The following BCAR3 variants were observed in gnomAD, a reference collection of about 807,000 sequenced individuals.
The protein encoded by BCAR3 is breast cancer anti-estrogen resistance protein 3.
A neutral mutation model predicts 80.1 loss-of-function variants in BCAR3; 37 were observed. The ratio of observed to expected loss-of-function variants is 0.46; its 90% CI spans 0.36 to 0.61. The LOEUF (loss-of-function observed/expected upper bound fraction) is 0.61. Among genes scored for constraint, BCAR3 ranks in the 20% least tolerant of loss-of-function variants. The probability of loss-of-function intolerance (pLI) is 0.00; values close to 1 mark genes in which losing one functional copy is unlikely to be tolerated. For synonymous variants in BCAR3, 389 were observed against 418.9 expected, an observed-to-expected ratio of 0.93 and a Z score of 0.87; for missense variants, 978 against 1,068.2, an observed-to-expected ratio of 0.92 and a Z score of 1.18.
chr1:93,638,142 G>C (rs966970272), intron 3 of BCAR3, among the ~76,000 whole-genome samples: 1 of 152,150 alleles, frequency 6.6e-6, no homozygotes, highest in African/African-American at 2.4e-5. Context: ...CCAGCTACTC[G>C]GGAGGCTGAG....
chr1:93,746,421 C>T (rs1483236752), intron 2 of BCAR3, among the ~76,000 whole-genome samples: 3 of 152,176 alleles, frequency 2.0e-5, no homozygotes, highest in African/African-American at 7.2e-5. Flanking sequence ...TTGAGACCTT[C>T]TATGTTCTTA....
chr1:93,733,130 C>CT (rs1350783257), intron 2 of BCAR3, among the ~76,000 whole-genome samples: 8 of 152,030 alleles, frequency 5.3e-5, no homozygotes, highest in Admixed American at 3.9e-4. Context: ...CGGCTGCTTT[C>CT]TTTTTTTAAA....
intron 3 of BCAR3, among the ~76,000 whole-genome samples, chr1:93,702,946 A>T (rs554183201): frequency 6.6e-6 from 1 of 152,334 alleles, no homozygotes; most frequent in South Asian, 2.1e-4. Flanking sequence ...TGGAACAGTG[A>T]TCTCTGGGCA....
At chr1:93,712,716 T>C in intron 2 of BCAR3, among the ~76,000 whole-genome samples, 1 of 152,240 alleles carries the variant, frequency 6.6e-6, no homozygotes, top group East Asian at 1.9e-4. Flanking sequence ...ATCAGCTCTA[T>C]GGCATAGGAA....
chr1:93,839,183 C>T (rs551358881), intron 2 of BCAR3, among the ~76,000 whole-genome samples: 22 of 152,138 alleles, frequency 1.4e-4, no homozygotes, highest in Non-Finnish European at 2.5e-4. Context: ...ATCCCAGCTG[C>T]TCAGGAGGCT....
chr1:93,605,452 G>A (rs759929496), intron 3 of BCAR3: 35 of 152,310 alleles, frequency 2.3e-4, no homozygotes, highest in Non-Finnish European at 1.0e-4. Context: ...AATATTAATC[G>A]CTGAGTTCAG....
In BCAR3 at chr1:93,747,828, T is replaced by A. The variant is rs184640442; in HGVS notation, c.-62-41686A>T. Among the ~76,000 whole-genome samples, 178 of 151,824 alleles carry A rather than the reference T, an allele frequency of 1.2e-3. 4 individuals are homozygous for A. Among genetic ancestry groups the A allele is most frequent in the Non-Finnish European group, 2.1e-3 (142 of 68,024 alleles). ...CCCCCAGTGTGCTATGCTCCAGCCA[T>A]ACCCAACTGCTTGTGTTTCCTGTAC... is the stretch of plus-strand genomic sequence containing the variant. On this transcript the variant is annotated intron_variant, in intron 2 of 13. Transcript: ENST00000370244.
At chr1:93,736,918 C>T (rs553150998) in intron 2 of BCAR3, among the ~76,000 whole-genome samples, 21 of 152,196 alleles carry the variant, frequency 1.4e-4, no homozygotes, top group Non-Finnish European at 2.4e-4. Context: ...GGTCTACGGT[C>T]CATCTGCATC....
intron 3 of BCAR3, among the ~76,000 whole-genome samples, chr1:93,625,935 G>A (rs928196691): frequency 2.6e-5 from 4 of 151,550 alleles, no homozygotes; most frequent in African/African-American, 4.9e-5. Context: ...TTTCTCCCTC[G>A]ACTACACTTG....
chr1:93,799,514 G>A (rs911277341), intron 2 of BCAR3, among the ~76,000 whole-genome samples: 1 of 152,100 alleles, frequency 6.6e-6, no homozygotes, highest in African/African-American at 2.4e-5. Context: ...AAAAATTCCA[G>A]TTACTTTATC....
chr1:93,835,466 C>T (rs1049910712), intron 2 of BCAR3, among the ~76,000 whole-genome samples: 2 of 152,172 alleles, frequency 1.3e-5, no homozygotes, highest in Admixed American at 1.3e-4. Flanking sequence ...CTGAAACTTC[C>T]ACCTATCAAT....
At chr1:93,839,932 G>A (rs1571163921) in intron 2 of BCAR3, among the ~76,000 whole-genome samples, 1 of 152,276 alleles carries the variant, frequency 6.6e-6, no homozygotes, top group East Asian at 1.9e-4. Flanking sequence ...CTAGGGTGGG[G>A]CCGAGAGCCT....
At chr1:93,768,976 T>G (rs12409471) in intron 2 of BCAR3, among the ~76,000 whole-genome samples, 17,803 of 152,242 alleles carry the variant, frequency 0.12, 1,465 homozygotes, top group African/African-American at 0.22. Context: ...GACAGCAGGC[T>G]TCAAGACCTG....
intron 2 of BCAR3, among the ~76,000 whole-genome samples, chr1:93,649,874 G>A (rs1676266672): frequency 6.6e-6 from 1 of 150,744 alleles, no homozygotes; most frequent in East Asian, 1.9e-4. Context: ...TCAACAGCCA[G>A]CACTCTACCC....
chr1:93,673,937 A>T (rs1310595311), intron 2 of BCAR3, among the ~76,000 whole-genome samples: 11 of 152,230 alleles, frequency 7.2e-5, no homozygotes, highest in Admixed American at 5.2e-4. Flanking sequence ...CTTTTAAGGG[A>T]CTTAAGAGAG....
At chr1:93,765,820 C>T (rs974223820) in intron 2 of BCAR3, among the ~76,000 whole-genome samples, 3 of 152,020 alleles carry the variant, frequency 2.0e-5, no homozygotes, top group Non-Finnish European at 2.9e-5. Flanking sequence ...GCGCCCACCA[C>T]CATGCCCGGC....
At chr1:93,835,113 T>A (rs1654716218) in intron 2 of BCAR3, among the ~76,000 whole-genome samples, 1 of 152,178 alleles carries the variant, frequency 6.6e-6, no homozygotes, top group Non-Finnish European at 1.5e-5. Flanking sequence ...TGGGCCCTCA[T>A]GCTTGCAAAG....
intron 3 of BCAR3, among the ~76,000 whole-genome samples, chr1:93,701,427 T>G (rs1218971665): frequency 6.6e-6 from 1 of 152,206 alleles, no homozygotes; most frequent in Admixed American, 6.5e-5. Flanking sequence ...AGGGCATTGA[T>G]GCCCTCATGT....
intron 2 of BCAR3, among the ~76,000 whole-genome samples, chr1:93,813,713 T>C (rs1338711193): frequency 1.7e-4 from 26 of 152,256 alleles, no homozygotes; most frequent in Non-Finnish European, 8.8e-5. Context: ...CATATTATGA[T>C]TGCAACTTTA....
Sources: allele counts gnomAD v4.1 joint callset (sites outside exome capture counted in the v4.1 genomes callset), GRCh38; gene constraint gnomAD v4.1.1; transcripts MANE v1.5; gene names NCBI Gene and HGNC (gene_info 2026-07-23, HGNC 2026-07-21).